The following IPO11 variants were observed in gnomAD, a reference collection of about 807,000 sequenced individuals.
IPO11 encodes the protein importin 11.
Under a neutral mutation model 143.2 loss-of-function variants are expected in IPO11, and 66 were observed. The observed-to-expected ratio is 0.46, with a 90% CI of 0.38 to 0.57. The LOEUF (loss-of-function observed/expected upper bound fraction) is 0.57, where lower values mean the gene tolerates loss of function less well. Ranked by LOEUF, IPO11 falls within the 20% of genes least tolerant of loss-of-function variation. The probability of loss-of-function intolerance (pLI) is 0.00; values close to 1 mark genes in which losing one functional copy is unlikely to be tolerated. For missense variants in IPO11, 1,026 were observed against 1,141.0 expected (o/e 0.90, Z 1.45); for synonymous variants, 385 against 377.8 (o/e 1.02, Z -0.22).
intron 7 of IPO11, among the ~76,000 whole-genome samples, chr5:62,472,942 C>T (rs1025534406): frequency 6.6e-5 from 10 of 152,250 alleles, no homozygotes; most frequent in African/African-American, 1.9e-4. Context: ...CTTTTAAAAT[C>T]GATGGCCTTT....
In IPO11 at chr5:62,561,123, C is replaced by T. The variant is rs368095879; in HGVS notation, c.2461-13C>T. 2.8e-4 allele frequency: 443 copies of T among 1,597,634 alleles called. 6 individuals carry two copies. The South Asian group carries it at 4.5e-3, about 16-fold the overall frequency. ...TTTTAGGTATTTTGAGATGCCTCCTCCTCTTGTTTCAGATGGACCAGCTTT... is the reference window on the plus strand; with the variant it reads ...TTTTAGGTATTTTGAGATGCCTCCTTCTCTTGTTTCAGATGGACCAGCTTT... On this transcript the variant is annotated splice_polypyrimidine_tract_variant and intron_variant, in intron 26 of 29. Transcript: ENST00000325324.
At chr5:62,545,200 A>G (rs1253746001) in intron 24 of IPO11, among the ~76,000 whole-genome samples, 6 of 152,216 alleles carry the variant, frequency 3.9e-5, no homozygotes, top group Non-Finnish European at 7.3e-5. Context: ...TTCAAACTAT[A>G]CTACAAGGCT....
intron 16 of IPO11, among the ~76,000 whole-genome samples, chr5:62,496,058 G>T (rs1014639986): frequency 1.2e-4 from 19 of 152,266 alleles, no homozygotes; most frequent in Non-Finnish European, 2.4e-4. Flanking sequence ...GGGAGGCCAA[G>T]GTGGGCTGAT....
chr5:62,588,526 C>A (rs58504293), intron 27 of IPO11, among the ~76,000 whole-genome samples: 2,561 of 152,320 alleles, frequency 0.017, 66 homozygotes, highest in African/African-American at 0.059. Context: ...AGCCGCCATG[C>A]CTGGCATAAA....
At chr5:62,561,405 A>G (rs528820923) in intron 27 of IPO11, 148 bp downstream of exon 27, 22 of 382,632 alleles carry the variant, frequency 5.7e-5, no homozygotes, top group African/African-American at 4.3e-4. Flanking sequence ...GATGTGGTAA[A>G]TGTTGGTCTG....
Position 62,537,216 on chromosome 5 carries a change from C to T in IPO11, c.2177C>T (p.Ala726Val). The T allele has an allele frequency of 6.3e-7, 1 of 1,584,830 alleles. No individual in the cohort carries two copies. The highest frequency in any genetic ancestry group is 8.6e-7 in the Non-Finnish European group (1 of 1,156,854). Residue 726 changes from alanine to valine, a missense_variant, in exon 24 of 30, where the codon GCA becomes GTA. By Grantham distance (64) the Ala-to-Val change is moderately conservative (BLOSUM62 0). Coordinates refer to ENST00000325324, the MANE Select transcript of IPO11 (RefSeq NM_016338.5). ...CTTTTAATTGAATTTCAGACATACG[C>T]AGTAGGTCTATGCCAGTCCTTTTGT... ...LSSTEFLQTY[A>V]VGLCQSFCEL...
chr5:62,546,200 A>G (rs1422246988), intron 24 of IPO11, among the ~76,000 whole-genome samples: 7 of 152,194 alleles, frequency 4.6e-5, no homozygotes, highest in East Asian at 3.8e-4. Flanking sequence ...AACCAACCCA[A>G]ATGTCCATCT....
chr5:62,453,744 T>C (rs1422495018), intron 5 of IPO11, among the ~76,000 whole-genome samples: 1 of 152,310 alleles, frequency 6.6e-6, no homozygotes, highest in East Asian at 1.9e-4. Flanking sequence ...GCTTGGCAAT[T>C]TGCATTTTTA....
intron 29 of IPO11, among the ~76,000 whole-genome samples, chr5:62,609,478 C>A (rs1338429062): frequency 1.3e-5 from 2 of 152,220 alleles, no homozygotes; most frequent in African/African-American, 2.4e-5. Flanking sequence ...TAGTGCCTAA[C>A]AGCATGTATG....
rs151021276 is a variant in IPO11, at chr5:62,627,377, C to T, written c.*59C>T. On this transcript the variant is annotated 3_prime_UTR_variant, in exon 30 of 30. Coordinates refer to ENST00000325324, the MANE Select transcript of IPO11 (RefSeq NM_016338.5). Reference sequence around the variant, plus strand: ...AAACAAGCTGAGTAACCCAGCCTGCCGTTTGTATGTGAGAGCCTGCTGAGA... The same window carrying T: ...AAACAAGCTGAGTAACCCAGCCTGCTGTTTGTATGTGAGAGCCTGCTGAGA... The T allele has an allele frequency of 3.2e-3, 4,855 of 1,516,180 alleles. 103 individuals are homozygous for T. The African/African-American group carries it at 0.049, about 15-fold the overall frequency. The allele number at this position is 1,516,180 out of a possible 1,614,324, so 93.9% of individuals were successfully genotyped here.
At chr5:62,507,846 A>G (rs1012704949) in intron 19 of IPO11, among the ~76,000 whole-genome samples, 2 of 152,194 alleles carry the variant, frequency 1.3e-5, no homozygotes, top group African/African-American at 2.4e-5. Flanking sequence ...TTCTGTCTAC[A>G]CTCATCTTTC....
chr5:62,542,224 A>G (rs1032493254), intron 24 of IPO11, among the ~76,000 whole-genome samples: 1 of 152,178 alleles, frequency 6.6e-6, no homozygotes, highest in Admixed American at 6.5e-5. Flanking sequence ...GTATTTTTAT[A>G]CGAATATTGC....
chr5:62,492,440 T>C (rs1396249377), intron 15 of IPO11, among the ~76,000 whole-genome samples: 3 of 152,236 alleles, frequency 2.0e-5, no homozygotes, highest in African/African-American at 7.2e-5. Context: ...TCTCTTCCTT[T>C]TCTAAAGTCC....
At chr5:62,469,359 A>C (rs560423697) in intron 6 of IPO11, among the ~76,000 whole-genome samples, 2 of 152,328 alleles carry the variant, frequency 1.3e-5, no homozygotes, top group East Asian at 1.9e-4. Context: ...TTCTAAACTT[A>C]ATTTTAATAC....
chr5:62,449,928 G>A lies in IPO11; in HGVS notation c.241G>A (p.Ala81Thr). 6.5e-7 allele frequency: 1 copy of A among 1,548,364 alleles called. No homozygotes were observed. The highest frequency in any genetic ancestry group is 8.7e-7 in the Non-Finnish European group (1 of 1,147,768). Residue 81 changes from alanine to threonine, a missense_variant and splice_region_variant, in exon 4 of 30, where the codon GCT becomes ACT. This residue lies in a region of IPO11 where 429 missense variants were observed against 456.3 expected (regional missense o/e 0.94). Coordinates refer to ENST00000325324, the MANE Select transcript of IPO11 (RefSeq NM_016338.5). ...DRYWRRVAPHALSEEEKTTLR... is the reference protein window; with the variant it reads ...DRYWRRVAPHTLSEEEKTTLR... ...ATCAATACTTTTTTTTTTTTACAGT[G>A]CTCTCTCAGAGGAGGAGAAAACTAC...
intron 27 of IPO11, among the ~76,000 whole-genome samples, chr5:62,586,768 A>AAAAAAATATAT (rs1554057003): frequency 4.2e-4 from 12 of 28,910 alleles, no homozygotes; most frequent in African/African-American, 1.5e-3. Context: ...AAAAAAAAAA[A>AAAAAAATATAT]ATATATATAT....
chr5:62,551,061 A>G (rs1398765033), intron 25 of IPO11, among the ~76,000 whole-genome samples, 162 bp from the exon 26 acceptor site: 1 of 151,174 alleles, frequency 6.6e-6, no homozygotes, highest in African/African-American at 2.4e-5. Flanking sequence ...TCATATATGT[A>G]TTTAGTAAGT....
At chr5:62,547,694 T>G (rs1036630385) in intron 24 of IPO11, among the ~76,000 whole-genome samples, 3 of 152,136 alleles carry the variant, frequency 2.0e-5, no homozygotes, top group Non-Finnish European at 4.4e-5. Flanking sequence ...ATGTGGGGAT[T>G]ATTTAATCCT....
intron 27 of IPO11, among the ~76,000 whole-genome samples, chr5:62,571,640 AT>A (rs1412486742): frequency 6.6e-6 from 1 of 151,680 alleles, no homozygotes; most frequent in Non-Finnish European, 1.5e-5. Context: ...TTTCATATAC[AT>A]TTCAGTTGAT....
Sources: allele counts gnomAD v4.1 joint callset (sites outside exome capture counted in the v4.1 genomes callset), GRCh38; gene constraint gnomAD v4.1.1; regional missense constraint gnomAD v4.1.1; transcripts MANE v1.5; gene names NCBI Gene and HGNC (gene_info 2026-07-23, HGNC 2026-07-21).